COL22A1: variants seen among roughly 807,000 people sequenced by gnomAD.
The protein encoded by COL22A1 is collagen type XXII alpha 1 chain.
COL22A1 carries 221 observed loss-of-function variants against 248.9 expected under a neutral mutation model. The observed-to-expected ratio is 0.89, with a 90% CI of 0.80 to 0.99. The LOEUF is 0.99. Among genes scored for constraint, COL22A1 ranks in the 50% least tolerant of loss-of-function variants. COL22A1 has a pLI of 0.00. For synonymous variants in COL22A1, 891 were observed against 793.4 expected, an observed-to-expected ratio of 1.12 and a Z score of -2.07; for missense variants, 2,240 against 2,179.0, an observed-to-expected ratio of 1.03 and a Z score of -0.56.
At chr8:138,768,254 G>A (rs562646772) in intron 16 of COL22A1, among the ~76,000 whole-genome samples, 4 of 152,178 alleles carry the variant, frequency 2.6e-5, no homozygotes, top group Non-Finnish European at 5.9e-5. Flanking sequence ...TGGCAGCAGG[G>A]GACCCTCCCC....
intron 1 of COL22A1, among the ~76,000 whole-genome samples, chr8:138,888,583 C>T (rs543722145): frequency 3.3e-5 from 5 of 152,290 alleles, no homozygotes; most frequent in Admixed American, 2.0e-4. Context: ...TACCAGGGCT[C>T]TAAAGGCCAC....
At chr8:138,852,346 C>G (rs994920987) in intron 3 of COL22A1, among the ~76,000 whole-genome samples, 1 of 152,132 alleles carries the variant, frequency 6.6e-6, no homozygotes, top group African/African-American at 2.4e-5. Flanking sequence ...TAGCCAGTCC[C>G]TGGATCTATC....
At chr8:138,776,900 G>C (rs1413032814) in intron 15 of COL22A1, among the ~76,000 whole-genome samples, 1 of 152,194 alleles carries the variant, frequency 6.6e-6, no homozygotes, top group Non-Finnish European at 1.5e-5. Context: ...GTGTCGGAAG[G>C]CTACTGCCCT....
At chr8:138,691,952 GTT>G (rs1183069015) in intron 35 of COL22A1, among the ~76,000 whole-genome samples, 20 of 146,088 alleles carry the variant, frequency 1.4e-4, no homozygotes, top group South Asian at 2.3e-4. Flanking sequence ...GTGTGTGCAT[GTT>G]TGTGGAGGTG....
chr8:138,606,682 G>T (rs1818451885), intron 57 of COL22A1, among the ~76,000 whole-genome samples: 1 of 152,094 alleles, frequency 6.6e-6, no homozygotes, highest in Admixed American at 6.5e-5. Context: ...ACAGCCAAGG[G>T]TCTTTCCATT....
chr8:138,787,512 G>A (rs1317170660), intron 12 of COL22A1, among the ~76,000 whole-genome samples: 1 of 152,258 alleles, frequency 6.6e-6, no homozygotes, highest in South Asian at 2.1e-4. Context: ...AAATACTTGG[G>A]AAATGCTTCG....
intron 16 of COL22A1, among the ~76,000 whole-genome samples, chr8:138,769,806 C>T (rs957296861): frequency 3.9e-5 from 6 of 152,194 alleles, no homozygotes; most frequent in Non-Finnish European, 8.8e-5. Flanking sequence ...GGGGGTGAGA[C>T]TTATTGATGA....
At chr8:138,884,729 C>A (rs558445668) in intron 1 of COL22A1, among the ~76,000 whole-genome samples, 10 of 152,266 alleles carry the variant, frequency 6.6e-5, no homozygotes, top group African/African-American at 2.4e-4. Flanking sequence ...CACCCTGGAC[C>A]AGGGCTAGGA....
chr8:138,760,850 C>T (rs540953698), intron 17 of COL22A1, among the ~76,000 whole-genome samples: 8 of 152,264 alleles, frequency 5.3e-5, no homozygotes, highest in East Asian at 1.9e-4. Flanking sequence ...GCCAAGAGAA[C>T]GCCTGAGCTT....
intron 21 of COL22A1, 140 bp from the exon 22 acceptor site, chr8:138,751,651 C>T (rs1832613264): frequency 9.5e-6 from 5 of 528,326 alleles, no homozygotes; most frequent in Middle Eastern, 6.7e-4. Context: ...TTCGGAGGTC[C>T]CATTCTCTCA....
At chr8:138,702,992 G>A (rs975413854) in intron 31 of COL22A1, among the ~76,000 whole-genome samples, 2 of 152,192 alleles carry the variant, frequency 1.3e-5, no homozygotes, top group African/African-American at 4.8e-5. Flanking sequence ...TGGTAGTGCA[G>A]TCTTACGCTG....
intron 3 of COL22A1, among the ~76,000 whole-genome samples, chr8:138,853,749 T>C (rs1194958465): frequency 1.3e-5 from 2 of 152,204 alleles, no homozygotes. Context: ...TCCCTAGATT[T>C]GGCAAGCACA....
chr8:138,910,258 C>G (rs1312983178), intron 1 of COL22A1, among the ~76,000 whole-genome samples: 2 of 152,200 alleles, frequency 1.3e-5, no homozygotes, highest in African/African-American at 4.8e-5. Flanking sequence ...GGCCACCTGG[C>G]CTTGGGCTGG....
chr8:138,796,389 C>CTTTTT (rs11284610), intron 12 of COL22A1, among the ~76,000 whole-genome samples: 9 of 26,302 alleles, frequency 3.4e-4, no homozygotes, highest in Non-Finnish European at 5.1e-4. Context: ...TGCTACTTTC[C>CTTTTT]TTTTTTTTTT....
chr8:138,694,703 G>T, intron 33 of COL22A1, 123 bp downstream of exon 33: 1 of 1,380,112 alleles, frequency 7.2e-7, no homozygotes, highest in Non-Finnish European at 1.0e-6. Context: ...AGAAAGGGCT[G>T]CCTTCCATTC....
intron 54 of COL22A1, among the ~76,000 whole-genome samples, chr8:138,616,641 C>G (rs930635734): frequency 5.3e-5 from 8 of 152,210 alleles, no homozygotes; most frequent in Non-Finnish European, 1.0e-4. Context: ...AGGCTCAGGG[C>G]TGACATGCGT....
At chr8:138,795,744 A>G (rs1242656371) in intron 12 of COL22A1, among the ~76,000 whole-genome samples, 1 of 152,110 alleles carries the variant, frequency 6.6e-6, no homozygotes, top group Non-Finnish European at 1.5e-5. Context: ...TTCTAGTCTC[A>G]CTTATAAATT....
intron 1 of COL22A1, among the ~76,000 whole-genome samples, chr8:138,894,408 G>A (rs969041677): frequency 1.3e-5 from 2 of 152,170 alleles, no homozygotes; most frequent in African/African-American, 4.8e-5. Flanking sequence ...TATGACACTG[G>A]TGACTGGCAG....
Position 138,634,374 on chromosome 8 carries a change from G to A in COL22A1, c.3609+636C>T, listed in dbSNP as rs539895448. Among the ~76,000 whole-genome samples the A allele has an allele frequency of 3.9e-5, 6 of 152,096 alleles. No homozygotes were observed. The East Asian group carries it at 1.2e-3, about 30-fold the overall frequency. On this transcript the variant is annotated intron_variant, in intron 49 of 64. Transcript: ENST00000303045. ...TGTGGAACCCATGGGAAATCCCAGG[G>A]GACTGGTCCTGGGCTTGGCAGGAAC...
Sources: allele counts gnomAD v4.1 joint callset (sites outside exome capture counted in the v4.1 genomes callset), GRCh38; gene constraint gnomAD v4.1.1; transcripts MANE v1.5; gene names NCBI Gene and HGNC (gene_info 2026-07-23, HGNC 2026-07-21).